The following ITGA9 variants were observed in gnomAD, a reference collection of about 807,000 sequenced individuals.
ITGA9 encodes integrin alpha-9.
In ITGA9, 56 loss-of-function variants were observed where a neutral mutation model predicts 127.8. That is an observed-to-expected ratio of 0.44 (90% CI 0.35 to 0.55). The LOEUF is 0.55. Ranked by LOEUF, ITGA9 falls within the 20% of genes least tolerant of loss-of-function variation. The pLI, the probability that ITGA9 is intolerant of heterozygous loss-of-function variation, is 0.00. For synonymous variants in ITGA9, 508 were observed against 514.5 expected, an observed-to-expected ratio of 0.99 and a Z score of 0.17; for missense variants, 1,196 against 1,347.1, an observed-to-expected ratio of 0.89 and a Z score of 1.76.
intron 1 of ITGA9, among the ~76,000 whole-genome samples, chr3:37,465,387 C>T (rs1412992602): frequency 2.0e-5 from 3 of 152,216 alleles, no homozygotes; most frequent in Non-Finnish European, 4.4e-5. Context: ...GGCACTTAAA[C>T]TGCCACACCA....
chr3:37,726,099 T>A (rs2125686369), intron 18 of ITGA9, among the ~76,000 whole-genome samples: 1 of 152,356 alleles, frequency 6.6e-6, no homozygotes, highest in Non-Finnish European at 1.5e-5. Context: ...TGAGCCAGGT[T>A]ATTAAGAACC....
chr3:37,529,848 C>T (rs907250097), intron 13 of ITGA9, among the ~76,000 whole-genome samples: 3 of 151,552 alleles, frequency 2.0e-5, no homozygotes, highest in East Asian at 1.9e-4. Flanking sequence ...GGGCTGGGGG[C>T]GAGGGGCCCT....
At chr3:37,728,055 A>G (rs1286247212) in intron 18 of ITGA9, among the ~76,000 whole-genome samples, 1 of 152,232 alleles carries the variant, frequency 6.6e-6, no homozygotes, top group African/African-American at 2.4e-5. Context: ...AGTCAGGGAC[A>G]TTAGATAGAC....
chr3:37,641,765 C>A (rs1194132557), intron 16 of ITGA9, among the ~76,000 whole-genome samples: 1 of 152,208 alleles, frequency 6.6e-6, no homozygotes, highest in Non-Finnish European at 1.5e-5. Context: ...TTCCCACCAC[C>A]CTCAAACTTA....
At chr3:37,467,549 C>T (rs1014054339) in intron 1 of ITGA9, among the ~76,000 whole-genome samples, 24 of 152,154 alleles carry the variant, frequency 1.6e-4, no homozygotes, top group Admixed American at 3.9e-4. Flanking sequence ...CTGAAATTTC[C>T]AGGGTTCCAA....
chr3:37,690,159 G>A (rs1700817887), intron 18 of ITGA9, among the ~76,000 whole-genome samples: 1 of 152,220 alleles, frequency 6.6e-6, no homozygotes, highest in African/African-American at 2.4e-5. Flanking sequence ...ACATTGCAGA[G>A]CTAGGGTGGG....
At chr3:37,800,601 T>C (rs967713687) in intron 26 of ITGA9, among the ~76,000 whole-genome samples, 2 of 152,104 alleles carry the variant, frequency 1.3e-5, no homozygotes, top group Non-Finnish European at 2.9e-5. Flanking sequence ...AGCTGCTCAT[T>C]TGAACTAGAT....
intron 13 of ITGA9, among the ~76,000 whole-genome samples, chr3:37,530,572 T>C (rs1699139810): frequency 1.3e-5 from 2 of 152,050 alleles, no homozygotes; most frequent in African/African-American, 2.4e-5. Context: ...GGGTGAAGGC[T>C]CTTTATCTGT....
At chr3:37,620,166 G>A in intron 15 of ITGA9, among the ~76,000 whole-genome samples, 1 of 152,198 alleles carries the variant, frequency 6.6e-6, no homozygotes, top group East Asian at 1.9e-4. Flanking sequence ...TTATACAGGG[G>A]CATGGGTCAC....
At chr3:37,534,577 A>G (rs908248211) in intron 14 of ITGA9, among the ~76,000 whole-genome samples, 1 of 152,258 alleles carries the variant, frequency 6.6e-6, no homozygotes, top group Non-Finnish European at 1.5e-5. Context: ...ACCTTATTTA[A>G]TATGTTCATC....
At chr3:37,706,147 C>G (rs1701002812) in intron 18 of ITGA9, among the ~76,000 whole-genome samples, 1 of 152,174 alleles carries the variant, frequency 6.6e-6, no homozygotes, top group African/African-American at 2.4e-5. Context: ...ATTTTTTACA[C>G]TCTGGTTCCA....
chr3:37,595,216 C>A (rs531525964), intron 15 of ITGA9, among the ~76,000 whole-genome samples: 10 of 152,196 alleles, frequency 6.6e-5, no homozygotes, highest in African/African-American at 2.4e-4. Context: ...GTGATCCTCC[C>A]ACCTCAGCTT....
At chr3:37,596,277 T>TGG in intron 15 of ITGA9, among the ~76,000 whole-genome samples, 1 of 51,888 alleles carries the variant, frequency 1.9e-5, no homozygotes, top group Non-Finnish European at 5.3e-5. Context: ...AGAGAAAGGC[T>TGG]ACAACTCAGT....
intron 8 of ITGA9, among the ~76,000 whole-genome samples, chr3:37,509,369 C>T (rs1327575436): frequency 6.6e-6 from 1 of 151,984 alleles, no homozygotes; most frequent in East Asian, 1.9e-4. Context: ...ATCAGCAGGA[C>T]TGTTTGGCTG....
chr3:37,807,812 G>C (rs1245941814), intron 27 of ITGA9: 1 of 152,356 alleles, frequency 6.6e-6, no homozygotes. Context: ...AGGTAGGACA[G>C]GCAGGGTTTG....
At position 37,675,743 on chromosome 3, in the gene ITGA9, C is replaced by CTTT. The variant is rs5848124; in HGVS notation, c.1917-8105_1917-8103dup. ...AAATATGATCAATTTTTAAAAACTACTTTTTTTTTTTTTTTTTTTGAGATG... is the reference window on the plus strand; with the variant it reads ...AAATATGATCAATTTTTAAAAACTACTTTTTTTTTTTTTTTTTTTTTTGAGATG... On this transcript the variant is annotated intron_variant, in intron 17 of 27. Coordinates refer to ENST00000264741, the MANE Select transcript of ITGA9 (RefSeq NM_002207.3). Among the ~76,000 whole-genome samples the CTTT allele has an allele frequency of 2.5e-3, 310 of 124,526 alleles. 6 individuals are homozygous for CTTT. Among genetic ancestry groups the CTTT allele is most frequent in the African/African-American group, 6.3e-3 (201 of 32,032 alleles). 81.7% of individuals were successfully genotyped at this position (124,526 alleles called of 152,430 possible).
chr3:37,757,923 A>G (rs2125541329), intron 23 of ITGA9, among the ~76,000 whole-genome samples: 1 of 151,998 alleles, frequency 6.6e-6, no homozygotes, highest in East Asian at 1.9e-4. Context: ...GAAAACTAAC[A>G]TAGCCCTGGT....
intron 13 of ITGA9, among the ~76,000 whole-genome samples, chr3:37,532,617 C>T (rs1287568546): frequency 9.5e-6 from 1 of 105,496 alleles, no homozygotes; most frequent in Non-Finnish European, 2.2e-5. Context: ...GTGGGATGTC[C>T]TTGGGGAGCC....
At chr3:37,570,168 T>C (rs1203602989) in intron 15 of ITGA9, among the ~76,000 whole-genome samples, 1 of 152,276 alleles carries the variant, frequency 6.6e-6, no homozygotes, top group African/African-American at 2.4e-5. Flanking sequence ...TGGCCTTGGC[T>C]GACTTCTCAT....
Sources: allele counts gnomAD v4.1 joint callset (sites outside exome capture counted in the v4.1 genomes callset), GRCh38; gene constraint gnomAD v4.1.1; transcripts MANE v1.5; gene names NCBI Gene and HGNC (gene_info 2026-07-23, HGNC 2026-07-21).